Variants in ATP6V0A2 observed in about 807,000 individuals in gnomAD.
The protein encoded by ATP6V0A2 is V-type proton ATPase 116 kDa subunit a 2.
ATP6V0A2 carries 58 observed loss-of-function variants against 104.4 expected under a neutral mutation model. The ratio of observed to expected loss-of-function variants is 0.56; its 90% CI spans 0.45 to 0.69. The LOEUF (loss-of-function observed/expected upper bound fraction) is 0.69. ATP6V0A2 is among the 30% of genes least tolerant of loss of function. The pLI is 0.00. For missense variants in ATP6V0A2, 938 were observed against 1,062.9 expected (o/e 0.88, Z 1.63); for synonymous variants, 376 against 397.9 (o/e 0.95, Z 0.65).
In ATP6V0A2 at chr12:123,757,000, C is replaced by T; in HGVS notation, c.2465+14C>T. 6.2e-7 allele frequency: 1 copy of T among 1,614,138 alleles called. No homozygotes were observed. The highest frequency in any genetic ancestry group is 8.5e-7 in the Non-Finnish European group (1 of 1,179,968). On this transcript the variant is annotated intron_variant, in intron 19 of 19. Coordinates refer to ENST00000330342, the MANE Select transcript of ATP6V0A2 (RefSeq NM_012463.4). The stretch of plus-strand genomic sequence containing the variant: ...ACGCCTCCACTGGTGAGTTTGAAAC[C>T]TAGCCTTGGAGCTGTTATTTAAAAA...
chr12:123,733,690 C>T (rs137963641), intron 6 of ATP6V0A2: 14 of 527,666 alleles, frequency 2.7e-5, no homozygotes, highest in East Asian at 2.6e-4. Context: ...CCTGGGAACG[C>T]GGGTGTCGGG....
intron 14 of ATP6V0A2, 75 bp downstream of exon 14, chr12:123,747,800 G>T: frequency 1.0e-6 from 1 of 963,320 alleles, no homozygotes. Flanking sequence ...TCTTGTTGGT[G>T]ACTGTATTTA....
At chr12:123,746,707 G>C (rs976380291) in intron 13 of ATP6V0A2, among the ~76,000 whole-genome samples, 3 of 151,490 alleles carry the variant, frequency 2.0e-5, no homozygotes, top group African/African-American at 4.9e-5. Context: ...AGCACTTTGG[G>C]AGGCCGAGGC....
At position 123,718,660 on chromosome 12, in the gene ATP6V0A2, T is replaced by A. The variant is rs745342243; in HGVS notation, c.155T>A (p.Val52Asp). 3 of 1,612,898 alleles carry A rather than the reference T, an allele frequency of 1.9e-6. No homozygotes were observed. The South Asian group carries it at 3.3e-5, about 18-fold the overall frequency. ...QNVSSFQRKF[V>D]GEVKRCEELE... ...GTAAGTTCTTTCCAAAGAAAATTTGTTGGTGAGGTGAAGAGGTGTGAAGAG... is the reference window on the plus strand; with the variant it reads ...GTAAGTTCTTTCCAAAGAAAATTTGATGGTGAGGTGAAGAGGTGTGAAGAG... The change falls in exon 2 of 20, where the codon GTT becomes GAT. Residue 52 changes from valine to aspartate, a missense_variant. Coordinates refer to ENST00000330342, the MANE Select transcript of ATP6V0A2 (RefSeq NM_012463.4).
intron 4 of ATP6V0A2, 57 bp downstream of exon 4, chr12:123,724,848 ATC>A: frequency 6.6e-7 from 1 of 1,508,510 alleles, no homozygotes; most frequent in Non-Finnish European, 9.2e-7. Flanking sequence ...TTTTATAAAA[ATC>A]TCATTCCCAT....
At chr12:123,715,466 C>G (rs1956330779) in intron 1 of ATP6V0A2, among the ~76,000 whole-genome samples, 2 of 152,006 alleles carry the variant, frequency 1.3e-5, no homozygotes, top group South Asian at 2.1e-4. Context: ...AAAAAATGAA[C>G]AAGAACTGAG....
At position 123,759,759 on chromosome 12, in the gene ATP6V0A2, CA is replaced by C. The variant is rs894118699; in HGVS notation, c.*1728del. The C allele has an allele frequency of 2.0e-5, 3 of 152,210 alleles. No homozygotes were observed. Among genetic ancestry groups the C allele is most frequent in the African/African-American group, 7.2e-5 (3 of 41,448 alleles). 9.4% of individuals were successfully genotyped at this position (152,210 alleles called of 1,614,324 possible). ...AGGCATGAGCTGAACAGCGTTGACA[CA>C]GCCGTGACTTACAATTAAACCCTTT... On this transcript the variant is annotated 3_prime_UTR_variant, in exon 20 of 20. Coordinates refer to ENST00000330342, the MANE Select transcript of ATP6V0A2 (RefSeq NM_012463.4).
intron 2 of ATP6V0A2, among the ~76,000 whole-genome samples, chr12:123,719,071 C>T (rs1051599964): frequency 2.6e-5 from 4 of 152,070 alleles, no homozygotes; most frequent in South Asian, 2.1e-4. Flanking sequence ...TTAACCGATC[C>T]CTTGTAGTTT....
At chr12:123,751,594 C>T (rs1490466396) in intron 16 of ATP6V0A2, among the ~76,000 whole-genome samples, 1 of 152,074 alleles carries the variant, frequency 6.6e-6, no homozygotes, top group Non-Finnish European at 1.5e-5. Context: ...GCAGAGGTTG[C>T]AGTGAGTTGT....
Position 123,743,858 on chromosome 12 carries a change from G to T in ATP6V0A2, c.1112G>T (p.Arg371Leu). 6.2e-7 allele frequency: 1 copy of T among 1,614,058 alleles called. No individual in the cohort carries two copies. Among genetic ancestry groups the T allele is most frequent in the South Asian group, 1.1e-5 (1 of 91,084 alleles). Residue 371 changes from arginine to leucine, a missense_variant, in exon 10 of 20, where the codon CGC becomes CTC. By Grantham distance (102) the Arg-to-Leu change is moderately radical. Transcript: ENST00000330342. ...PTKETPPTRI[R>L]TNKFTEGFQN... ...AAAGAAACACCCCCCACTCGGATCC[G>T]CACCAACAAATTCACCGAGGGATTT...
chr12:123,751,024 G>T (rs141042795), intron 15 of ATP6V0A2, 86 bp from the exon 16 acceptor site: 2 of 1,572,594 alleles, frequency 1.3e-6, no homozygotes, highest in African/African-American at 1.3e-5. Context: ...GACATTGTTC[G>T]ATCTTTCCTG....
At chr12:123,749,674 A>T (rs958545430) in intron 15 of ATP6V0A2, among the ~76,000 whole-genome samples, 21 of 152,166 alleles carry the variant, frequency 1.4e-4, no homozygotes, top group Admixed American at 1.3e-3. Context: ...CATAGTTCTT[A>T]CCCACCTTAC....
chr12:123,731,127 G>C (rs1956498021), intron 6 of ATP6V0A2: 1 of 152,202 alleles, frequency 6.6e-6, no homozygotes, highest in Non-Finnish European at 1.5e-5. Context: ...TAAAGAAAAT[G>C]CATGTCCATT....
chr12:123,744,392 C>A lies in ATP6V0A2; in HGVS notation c.1326+55C>A. The A allele has an allele frequency of 6.2e-7, 1 of 1,610,814 alleles. No homozygotes were observed. On this transcript the variant is annotated intron_variant, in intron 11 of 19. Coordinates refer to ENST00000330342, the MANE Select transcript of ATP6V0A2 (RefSeq NM_012463.4). The surrounding 1 kb of genome is among the most constrained non-coding windows in gnomAD (Gnocchi z 5.4). ...TCTGGTTAGGTGGCATTAGCAGTGA[C>A]CGAAAGAGAGACACCTCTTAGATGT...
chr12:123,760,722 T>G lies in ATP6V0A2; in HGVS notation c.*2690T>G, dbSNP rs1956806515. 6.6e-6 allele frequency: 1 copy of G among 152,196 alleles called. No homozygotes were observed. 9.4% of individuals were successfully genotyped at this position (152,196 alleles called of 1,614,324 possible). On this transcript the variant is annotated 3_prime_UTR_variant, in exon 20 of 20. Transcript: ENST00000330342. ...CAACCTGCTGGGCTGGAGACTGTAA[T>G]TGCCGTGGTCAGTTAAGGAGTGCAA...
rs1345427181 is a variant in ATP6V0A2, at chr12:123,737,106, C to T, written c.873C>T (p.Ala291=). The T allele has an allele frequency of 5.0e-6, 8 of 1,614,046 alleles. No individual in the cohort carries two copies. The African/African-American group carries it at 5.3e-5, about 11-fold the overall frequency. ...ATTTGAGGCAAGTGCTATGTAAAGC[C>T]GCCGAGTCTGTCTACAGCCGTGTGA... The part of the protein sequence containing the change: ...EDYLRQVLCK[A]AESVYSRVIQ... The change falls in exon 9 of 20, where the codon GCC becomes GCT. Residue 291 remains alanine, a synonymous_variant. Transcript: ENST00000330342.
chr12:123,757,241 G>A, intron 19 of ATP6V0A2, among the ~76,000 whole-genome samples: 1 of 152,142 alleles, frequency 6.6e-6, no homozygotes, highest in South Asian at 2.1e-4. Context: ...AGGAGTTCAA[G>A]ACCAGCCTGG....
rs1056806386 is a variant in ATP6V0A2 at position 123,759,757 on chromosome 12, C to G, written c.*1725C>G. ...CAAGGCATGAGCTGAACAGCGTTGA[C>G]ACAGCCGTGACTTACAATTAAACCC... On this transcript the variant is annotated 3_prime_UTR_variant, in exon 20 of 20. Coordinates refer to ENST00000330342, the MANE Select transcript of ATP6V0A2 (RefSeq NM_012463.4). The G allele has an allele frequency of 3.3e-5, 5 of 152,200 alleles. No individual in the cohort carries two copies. Among genetic ancestry groups the G allele is most frequent in the African/African-American group, 4.8e-5 (2 of 41,446 alleles). The allele number at this position is 152,200 out of a possible 1,614,324, so 9.4% of individuals were successfully genotyped here.
chr12:123,739,937 CTT>C (rs1566284545), intron 9 of ATP6V0A2, among the ~76,000 whole-genome samples: 1 of 151,952 alleles, frequency 6.6e-6, no homozygotes. Flanking sequence ...AGAAAAATAT[CTT>C]TTCTTTTTCT....
Sources: gnomAD v4.1 joint callset for allele counts (sites outside exome capture counted in the v4.1 genomes callset) on GRCh38, gnomAD v4.1.1 for gene constraint, Gnocchi (gnomAD v3.1) non-coding constraint, MANE v1.5 for transcripts, NCBI Gene and HGNC (gene_info 2026-07-23, HGNC 2026-07-21) for gene names.